LRP1B: variants seen among roughly 807,000 people sequenced by gnomAD.
LRP1B encodes the protein low-density lipoprotein receptor-related protein 1B.
LRP1B carries 217 observed loss-of-function variants against 556.6 expected under a neutral mutation model. The observed-to-expected ratio is 0.39, with a 90% confidence interval of 0.35 to 0.44. LRP1B has a LOEUF of 0.44. Ranked by LOEUF, LRP1B falls within the 20% of genes least tolerant of loss-of-function variation. LRP1B has a pLI of 1.00. For missense variants in LRP1B, 5,053 were observed against 5,620.8 expected (o/e 0.90, Z 3.23); for synonymous variants, 2,047 against 1,865.8 (o/e 1.10, Z -2.50).
chr2:141,007,345 G>A lies in LRP1B; in HGVS notation c.2381-1888C>T, dbSNP rs116793232. Among the ~76,000 whole-genome samples the A allele has an allele frequency of 2.5e-3, 387 of 151,778 alleles. 1 individual carries two copies. Among genetic ancestry groups the A allele is most frequent in the African/African-American group, 9.1e-3 (378 of 41,492 alleles). ...CGTAGATCAGAACAAATGACCTAAA[G>A]TATATTATCATTTCATTATCTTGAA... On this transcript the variant is annotated intron_variant, in intron 14 of 90. Coordinates refer to ENST00000389484, the MANE Select transcript of LRP1B (RefSeq NM_018557.3).
chr2:141,275,181 A>AT (rs536903260), intron 3 of LRP1B, among the ~76,000 whole-genome samples: 52 of 152,250 alleles, frequency 3.4e-4, no homozygotes, highest in Middle Eastern at 3.4e-3. Flanking sequence ...ATCACCAATA[A>AT]TTTTTTTTAA....
intron 31 of LRP1B, among the ~76,000 whole-genome samples, chr2:140,829,193 T>C (rs1266571079): frequency 1.3e-5 from 2 of 152,080 alleles, no homozygotes; most frequent in Non-Finnish European, 2.9e-5. Context: ...TGGAGGAATT[T>C]AACACCTCAC....
At chr2:140,326,040 ACT>A (rs1680459065) in intron 79 of LRP1B, among the ~76,000 whole-genome samples, 162 bp from the exon 80 acceptor site, 1 of 152,140 alleles carries the variant, frequency 6.6e-6, no homozygotes, top group African/African-American at 2.4e-5. Flanking sequence ...AGAAAAAGTA[ACT>A]CAGTCTTTAT....
chr2:140,699,035 T>C (rs1253640872), intron 41 of LRP1B, among the ~76,000 whole-genome samples: 1 of 152,064 alleles, frequency 6.6e-6, no homozygotes, highest in African/African-American at 2.4e-5. Context: ...ATTTTTTTAC[T>C]TCAGAGTTTG....
intron 85 of LRP1B, 41 bp from the exon 86 acceptor site, chr2:140,270,387 G>A (rs1682403384): frequency 8.0e-7 from 1 of 1,248,570 alleles, no homozygotes. Flanking sequence ...CATTGTTATT[G>A]GCAACATTAT....
intron 3 of LRP1B, among the ~76,000 whole-genome samples, chr2:141,276,658 CTTTTTTTTTTTTTTTTGAGACAGAG>C (rs1208126208): frequency 8.1e-6 from 1 of 122,924 alleles, no homozygotes; most frequent in African/African-American, 3.1e-5. Context: ...TTCTTTCTTT[CTTTTTTTTTTTTTTTTGAGACAGAG>C]TGTTGCTCTG....
chr2:140,910,772 C>A (rs1285434088), intron 21 of LRP1B, among the ~76,000 whole-genome samples: 1 of 151,636 alleles, frequency 6.6e-6, no homozygotes, highest in Non-Finnish European at 1.5e-5. Flanking sequence ...AGATAAAGAT[C>A]AAAAAGTTGG....
chr2:140,331,577 C>G (rs937942460), intron 79 of LRP1B, among the ~76,000 whole-genome samples: 2 of 151,642 alleles, frequency 1.3e-5, no homozygotes, highest in Non-Finnish European at 2.9e-5. Flanking sequence ...TGCCATGATT[C>G]CTGACATCAG....
chr2:142,017,463 G>A (rs1233142138), intron 1 of LRP1B, among the ~76,000 whole-genome samples: 1 of 152,164 alleles, frequency 6.6e-6, no homozygotes, highest in Non-Finnish European at 1.5e-5. Flanking sequence ...GATTTTAAAT[G>A]TGGTAATTCC....
chr2:140,450,708 T>C, intron 62 of LRP1B, 47 bp from the exon 63 acceptor site: 2 of 1,281,634 alleles, frequency 1.6e-6, no homozygotes, highest in South Asian at 2.5e-5. Flanking sequence ...ACCCAGTGCA[T>C]ATATAATGGA....
intron 3 of LRP1B, among the ~76,000 whole-genome samples, chr2:141,299,215 T>C (rs1573772274): frequency 6.6e-6 from 1 of 152,164 alleles, no homozygotes; most frequent in East Asian, 1.9e-4. Flanking sequence ...TAGTATCACA[T>C]TCTTAGGATG....
In LRP1B at chr2:141,571,388, C is replaced by CAAA. The variant is rs1553537185; in HGVS notation, c.206-90858_206-90856dup. On this transcript the variant is annotated intron_variant, in intron 2 of 90. Transcript: ENST00000389484. ...ACAACAACAGCATCAACAACAACAA[C>CAAA]AAAAAATGCCCCAACGAAAACCTCA... Among the ~76,000 whole-genome samples, 258 of 140,966 alleles carry CAAA rather than the reference C, an allele frequency of 1.8e-3. 1 individual carries two copies. Among genetic ancestry groups the CAAA allele is most frequent in the African/African-American group, 6.0e-3 (246 of 40,690 alleles). The allele number at this position is 140,966 out of a possible 152,430, so 92.5% of individuals were successfully genotyped here.
chr2:141,159,031 T>A (rs1016870780), intron 7 of LRP1B, among the ~76,000 whole-genome samples: 2 of 152,170 alleles, frequency 1.3e-5, no homozygotes, highest in African/African-American at 2.4e-5. Flanking sequence ...TCACAGTGCT[T>A]TATAATAAAA....
chr2:140,964,193 A>G (rs1354213358), intron 18 of LRP1B, among the ~76,000 whole-genome samples: 1 of 152,124 alleles, frequency 6.6e-6, no homozygotes, highest in Admixed American at 6.5e-5. Context: ...TCTGCATATC[A>G]GGGACTATTA....
intron 84 of LRP1B, among the ~76,000 whole-genome samples, chr2:140,278,586 T>C (rs1179836135): frequency 6.6e-6 from 1 of 152,024 alleles, no homozygotes; most frequent in Non-Finnish European, 1.5e-5. Context: ...CATTATTCAA[T>C]GCAGTTGATT....
chr2:141,253,592 G>C (rs1684348928), intron 4 of LRP1B, among the ~76,000 whole-genome samples: 1 of 151,956 alleles, frequency 6.6e-6, no homozygotes, highest in African/African-American at 2.4e-5. Context: ...GAACTATCAG[G>C]ATCTCATTTT....
chr2:142,087,505 C>T (rs1705991828), intron 1 of LRP1B, among the ~76,000 whole-genome samples: 1 of 151,470 alleles, frequency 6.6e-6, no homozygotes, highest in Non-Finnish European at 1.5e-5. Flanking sequence ...GGAGTTTTCT[C>T]CCTCTGAGTC....
intron 86 of LRP1B, among the ~76,000 whole-genome samples, chr2:140,255,869 C>A (rs1266335520): frequency 6.6e-6 from 1 of 152,126 alleles, no homozygotes; most frequent in African/African-American, 2.4e-5. Flanking sequence ...ACATATAAGA[C>A]CAGAGAAAAT....
At chr2:140,769,730 T>C (rs10928070) in intron 34 of LRP1B, among the ~76,000 whole-genome samples, 118,662 of 151,790 alleles carry the variant, frequency 0.78, 47,065 homozygotes, top group East Asian at 0.99. Context: ...AACCAAAATT[T>C]ATTCCCTCTT....
Sources: allele counts gnomAD v4.1 joint callset (sites outside exome capture counted in the v4.1 genomes callset), GRCh38; gene constraint gnomAD v4.1.1; transcripts MANE v1.5; gene names NCBI Gene and HGNC (gene_info 2026-07-23, HGNC 2026-07-21).